ETV6: variants seen among roughly 807,000 people sequenced by gnomAD.
ETV6 encodes ETS variant transcription factor 6.
A neutral mutation model predicts 51.1 loss-of-function variants in ETV6; 16 were observed. That is an observed-to-expected ratio of 0.31 (90% CI 0.21 to 0.48). The LOEUF (loss-of-function observed/expected upper bound fraction) is 0.48, where lower values mean the gene tolerates loss of function less well. Among genes scored for constraint, ETV6 ranks in the 20% least tolerant of loss-of-function variants. The pLI, the probability that ETV6 is intolerant of heterozygous loss-of-function variation, is 0.99. For synonymous variants in ETV6, 240 were observed against 224.1 expected, an observed-to-expected ratio of 1.07 and a Z score of -0.64; for missense variants, 458 against 594.8, an observed-to-expected ratio of 0.77 and a Z score of 2.39.
chr12:11,796,611 T>A (rs1180904531), intron 2 of ETV6, among the ~76,000 whole-genome samples: 1 of 152,204 alleles, frequency 6.6e-6, no homozygotes, highest in Admixed American at 6.5e-5. Context: ...ATACATCATC[T>A]ACCACTGAAA....
At chr12:11,675,882 GAGGGAGAAGGAGGGAAAAGAAAA>G (rs1864413443) in intron 1 of ETV6, among the ~76,000 whole-genome samples, 1 of 151,876 alleles carries the variant, frequency 6.6e-6, no homozygotes. Flanking sequence ...AAGGAAGGGA[GAGGGAGAAGGAGGGAAAAGAAAA>G]AGGGAGAGAA....
rs1032311995 is a variant in ETV6, at chr12:11,891,235, C to T, written c.*189C>T. 3.0e-5 allele frequency: 16 copies of T among 528,542 alleles called. No homozygotes were observed. Among genetic ancestry groups the T allele is most frequent in the African/African-American group, 7.7e-5 (4 of 52,174 alleles). The allele number at this position is 528,542 out of a possible 1,614,324, so 32.7% of individuals were successfully genotyped here. ...CCTTAGACAAACTACCCAGCACAGG[C>T]GGGGCTGGAATTCTGGCGGAGGGCA... On this transcript the variant is annotated 3_prime_UTR_variant, in exon 8 of 8. Coordinates refer to ENST00000396373, the MANE Select transcript of ETV6 (RefSeq NM_001987.5).
intron 1 of ETV6, among the ~76,000 whole-genome samples, chr12:11,709,430 C>T (rs888555937): frequency 1.3e-5 from 2 of 152,100 alleles, no homozygotes; most frequent in East Asian, 1.9e-4. Context: ...TCTGGAACTC[C>T]TGAGCTCAAA....
intron 2 of ETV6, among the ~76,000 whole-genome samples, chr12:11,832,545 G>A (rs149559989): frequency 1.4e-4 from 21 of 152,158 alleles, no homozygotes; most frequent in African/African-American, 2.9e-4. Context: ...ATGTGGGTAC[G>A]AAATAAAACA....
At chr12:11,818,403 G>A (rs893385802) in intron 2 of ETV6, among the ~76,000 whole-genome samples, 2 of 151,710 alleles carry the variant, frequency 1.3e-5, no homozygotes, top group African/African-American at 2.4e-5. Flanking sequence ...TGATGCATGC[G>A]TGTAATCCCA....
intron 5 of ETV6, among the ~76,000 whole-genome samples, chr12:11,872,365 A>G (rs1238474530): frequency 6.6e-6 from 1 of 152,154 alleles, no homozygotes; most frequent in Non-Finnish European, 1.5e-5. Context: ...CACTGCCTTC[A>G]CCACTTCTTG....
At chr12:11,688,101 C>G (rs1274570592) in intron 1 of ETV6, among the ~76,000 whole-genome samples, 1 of 133,694 alleles carries the variant, frequency 7.5e-6, no homozygotes, top group East Asian at 2.7e-4. Flanking sequence ...GTCTGGGCTG[C>G]CTGTTAGAGT....
intron 2 of ETV6, among the ~76,000 whole-genome samples, chr12:11,767,149 CTAAATT>C (rs1301517560): frequency 6.6e-6 from 1 of 152,194 alleles, no homozygotes; most frequent in Non-Finnish European, 1.5e-5. Flanking sequence ...AATCAGTTGT[CTAAATT>C]TAAGGGCCAG....
intron 1 of ETV6, among the ~76,000 whole-genome samples, chr12:11,676,659 G>A (rs76108526): frequency 0.04 from 6,049 of 152,208 alleles, 136 homozygotes; most frequent in Admixed American, 0.061. Flanking sequence ...TCCCTCATAT[G>A]TGCCCTCATG....
chr12:11,731,979 C>CAG (rs1865608579), intron 1 of ETV6, among the ~76,000 whole-genome samples: 1 of 152,156 alleles, frequency 6.6e-6, no homozygotes, highest in African/African-American at 2.4e-5. Flanking sequence ...CCCTTCAGTC[C>CAG]CAGACAAACC....
At chr12:11,816,318 C>T (rs1945993115) in intron 2 of ETV6, among the ~76,000 whole-genome samples, 1 of 152,246 alleles carries the variant, frequency 6.6e-6, no homozygotes, top group African/African-American at 2.4e-5. Flanking sequence ...CGTCTCGGCT[C>T]ACTGCAACCT....
At chr12:11,774,516 A>G (rs1945290937) in intron 2 of ETV6, among the ~76,000 whole-genome samples, 1 of 152,228 alleles carries the variant, frequency 6.6e-6, no homozygotes, top group Admixed American at 6.5e-5. Flanking sequence ...TGATATAACA[A>G]GCATGAGCTA....
At chr12:11,758,922 C>G (rs1340205975) in intron 2 of ETV6, among the ~76,000 whole-genome samples, 2 of 152,206 alleles carry the variant, frequency 1.3e-5, no homozygotes, top group African/African-American at 4.8e-5. Flanking sequence ...CATCCAAATG[C>G]TTGAAGCTTT....
intron 2 of ETV6, among the ~76,000 whole-genome samples, chr12:11,789,859 T>A (rs1345094531): frequency 6.6e-6 from 1 of 152,210 alleles, no homozygotes; most frequent in Non-Finnish European, 1.5e-5. Flanking sequence ...AGCATTTTTT[T>A]ATTCCCCAGA....
intron 2 of ETV6, chr12:11,769,058 A>G: frequency 2.3e-6 from 1 of 428,308 alleles, no homozygotes; most frequent in South Asian, 1.7e-5. Context: ...AACTTGGATA[A>G]TAATTATCAA....
intron 1 of ETV6, among the ~76,000 whole-genome samples, chr12:11,741,563 G>A (rs2121021164): frequency 1.3e-5 from 2 of 152,320 alleles, no homozygotes; most frequent in Middle Eastern, 6.8e-3. Context: ...GCCTTCCTTG[G>A]GGTGGACATG....
At position 11,859,363 on chromosome 12, in the gene ETV6, G is replaced by A. The variant is rs902522808; in HGVS notation, c.463+5802G>A. ...TCGCCGTGTTAGCCAGGATGGTCTC[G>A]ATCTCCTGACCTCGTGATCCGCCCG... On this transcript the variant is annotated intron_variant, in intron 4 of 7. Transcript: ENST00000396373. 5.3e-5 allele frequency among the ~76,000 whole-genome samples: 8 copies of A among 151,726 alleles called. No individual in the cohort carries two copies. The East Asian group carries it at 7.8e-4, about 15-fold the overall frequency.
At chr12:11,714,005 G>A (rs1178588217) in intron 1 of ETV6, among the ~76,000 whole-genome samples, 2 of 152,210 alleles carry the variant, frequency 1.3e-5, no homozygotes, top group African/African-American at 4.8e-5. Context: ...TTTGAAAGCT[G>A]AGTCCAATTC....
chr12:11,870,102 G>A (rs886111825), intron 5 of ETV6, 133 bp downstream of exon 5: 10 of 1,030,374 alleles, frequency 9.7e-6, no homozygotes, highest in African/African-American at 4.8e-5. Flanking sequence ...AGGGCAATTG[G>A]AGGCTTCTGC....
Sources: allele counts gnomAD v4.1 joint callset (sites outside exome capture counted in the v4.1 genomes callset), GRCh38; gene constraint gnomAD v4.1.1; transcripts MANE v1.5; gene names NCBI Gene and HGNC (gene_info 2026-07-23, HGNC 2026-07-21).